The following TTC6 variants were observed in gnomAD, a reference collection of about 807,000 sequenced individuals.
TTC6 encodes tetratricopeptide repeat protein 6.
A neutral mutation model predicts 210.4 loss-of-function variants in TTC6; 172 were observed. The ratio of observed to expected loss-of-function variants is 0.82; its 90% CI spans 0.72 to 0.93. The LOEUF (loss-of-function observed/expected upper bound fraction) is 0.93, where lower values mean the gene tolerates loss of function less well. TTC6 is among the 40% of genes least tolerant of loss of function. The pLI is 0.00. For missense variants in TTC6, 2,414 were observed against 2,318.1 expected (o/e 1.04, Z -0.85); for synonymous variants, 804 against 819.6 (o/e 0.98, Z 0.32).
intron 1 of TTC6, among the ~76,000 whole-genome samples, chr14:37,648,918 A>G (rs1488023226): frequency 6.6e-6 from 1 of 152,092 alleles, no homozygotes; most frequent in African/African-American, 2.4e-5. Flanking sequence ...CTGTCTCAGC[A>G]TGTAGTGGGT....
At chr14:37,822,620 T>C (rs1198063433) in intron 26 of TTC6, among the ~76,000 whole-genome samples, 3 of 152,214 alleles carry the variant, frequency 2.0e-5, no homozygotes, top group African/African-American at 7.2e-5. Context: ...TTAATTTGCA[T>C]GTTCAGGCTC....
chr14:37,647,568 G>A (rs2095703821), intron 1 of TTC6, among the ~76,000 whole-genome samples: 1 of 152,184 alleles, frequency 6.6e-6, no homozygotes, highest in Admixed American at 6.5e-5. Flanking sequence ...GATCAAGGGG[G>A]CAGCCCGATT....
rs112842161 is a variant in TTC6 at position 37,714,548 on chromosome 14, G to A, written c.1572-107G>A. ...TACACAATCTCTGTTTAGTGCAGATGTCAAATGTCCATGTGTTTATTTCAG... is the reference window on the plus strand; with the variant it reads ...TACACAATCTCTGTTTAGTGCAGATATCAAATGTCCATGTGTTTATTTCAG... On this transcript the variant is annotated intron_variant, in intron 5 of 30. Transcript: ENST00000553443. 1.7e-5 allele frequency: 14 copies of A among 836,868 alleles called. 1 individual carries two copies. In the African/African-American group the frequency reaches 1.7e-4, roughly 10 times the overall value. 51.8% of individuals were successfully genotyped at this position (836,868 alleles called of 1,614,324 possible). A position where few individuals can be genotyped will look rare whatever the true frequency, so the allele number is the denominator to read the frequency against.
intron 14 of TTC6, among the ~76,000 whole-genome samples, chr14:37,764,960 A>G (rs1403166922): frequency 1.3e-5 from 2 of 149,790 alleles, no homozygotes; most frequent in Non-Finnish European, 3.0e-5. Context: ...TTTTTCTACC[A>G]TTTTGATTTC....
At chr14:37,711,029 C>T (rs756786953) in intron 5 of TTC6, among the ~76,000 whole-genome samples, 6 of 152,174 alleles carry the variant, frequency 3.9e-5, no homozygotes, top group Non-Finnish European at 7.4e-5. Flanking sequence ...GTTTCTGACT[C>T]ATTAGGTCTG....
At chr14:37,752,510 C>G (rs1046087305) in intron 13 of TTC6, among the ~76,000 whole-genome samples, 1 of 78,122 alleles carries the variant, frequency 1.3e-5, no homozygotes, top group Non-Finnish European at 2.7e-5. Flanking sequence ...ATTTTGAAAT[C>G]TTTAGGATTT....
Position 37,753,276 on chromosome 14 carries a change from T to A in TTC6, c.3266+41T>A, listed in dbSNP as rs373040153. 355 of 1,444,570 alleles carry A rather than the reference T, an allele frequency of 2.5e-4. 3 individuals are homozygous for A. In the South Asian group the frequency reaches 4.3e-3, roughly 18 times the overall value. 89.5% of individuals were successfully genotyped at this position (1,444,570 alleles called of 1,614,324 possible). A position where few individuals can be genotyped will look rare whatever the true frequency, so the allele number is the denominator to read the frequency against. ...GATGTCGTTTTAAAATTATTACTAT[T>A]ATTTGAAATACATTTTCAGAACAGA... On this transcript the variant is annotated intron_variant, in intron 14 of 30. Transcript: ENST00000553443.
At chr14:37,767,763 T>C (rs1012184299) in intron 14 of TTC6, among the ~76,000 whole-genome samples, 3 of 151,678 alleles carry the variant, frequency 2.0e-5, no homozygotes, top group African/African-American at 7.3e-5. Flanking sequence ...CTGTTCACTC[T>C]GATGGTAGTT....
At chr14:37,801,093 C>T (rs2096105605) in intron 20 of TTC6, among the ~76,000 whole-genome samples, 1 of 152,162 alleles carries the variant, frequency 6.6e-6, no homozygotes, top group South Asian at 2.1e-4. Context: ...CTTCCATTTT[C>T]CCCTTTTTAA....
At chr14:37,639,077 CA>C (rs546537683) in intron 1 of TTC6, among the ~76,000 whole-genome samples, 314 of 152,252 alleles carry the variant, frequency 2.1e-3, no homozygotes, top group African/African-American at 7.1e-3. Context: ...CTTTTTGGTA[CA>C]TATCAAAGAA....
chr14:37,617,715 G>A (rs1322637526), upstream of TTC6, among the ~76,000 whole-genome samples: 2 of 152,096 alleles, frequency 1.3e-5, no homozygotes, highest in African/African-American at 4.8e-5. Flanking sequence ...ATTGTTTTCA[G>A]AATATTTTTG....
chr14:37,788,504 A>C (rs2096072768), intron 15 of TTC6, among the ~76,000 whole-genome samples: 1 of 152,186 alleles, frequency 6.6e-6, no homozygotes, highest in African/African-American at 2.4e-5. Context: ...ATTAATATTA[A>C]AATAAAATAA....
At chr14:37,715,443 T>C (rs897544522) in intron 6 of TTC6, among the ~76,000 whole-genome samples, 1 of 151,960 alleles carries the variant, frequency 6.6e-6, no homozygotes, top group African/African-American at 2.4e-5. Context: ...AACCACATAA[T>C]ATTCAAGCTT....
At chr14:37,718,432 G>A (rs1473198824) in intron 6 of TTC6, among the ~76,000 whole-genome samples, 1 of 152,126 alleles carries the variant, frequency 6.6e-6, no homozygotes, top group Non-Finnish European at 1.5e-5. Flanking sequence ...GCTTGATAAA[G>A]AGCAGCTGCA....
chr14:37,775,859 A>G (rs943637863), intron 14 of TTC6, among the ~76,000 whole-genome samples: 1 of 152,096 alleles, frequency 6.6e-6, no homozygotes, highest in African/African-American at 2.4e-5. Context: ...CGAACCCTTT[A>G]CCATTATGTA....
chr14:37,751,226 G>A lies in TTC6; in HGVS notation c.3129+1G>A. ...ACTGGCCATTGATGACTTTTCGAAA[G>A]TAAGCTTTATCACATATAATTCTAC... is the stretch of plus-strand genomic sequence containing the variant. On this transcript the variant is annotated splice_donor_variant, in intron 13 of 30. Coordinates refer to ENST00000553443, the Ensembl canonical transcript of TTC6. LOFTEE classifies it high-confidence loss of function. 4 of 1,518,490 alleles carry A rather than the reference G, an allele frequency of 2.6e-6. No individual in the cohort carries two copies. Among genetic ancestry groups the A allele is most frequent in the Non-Finnish European group, 3.5e-6 (4 of 1,137,908 alleles). The allele number at this position is 1,518,490 out of a possible 1,614,324, so 94.1% of individuals were successfully genotyped here. A position where few individuals can be genotyped will look rare whatever the true frequency, so the allele number is the denominator to read the frequency against.
At chr14:37,708,946 C>A (rs2095840126) in intron 5 of TTC6, among the ~76,000 whole-genome samples, 1 of 151,976 alleles carries the variant, frequency 6.6e-6, no homozygotes, top group Non-Finnish European at 1.5e-5. Context: ...TGGTTGCCCC[C>A]CACCCAAATG....
chr14:37,707,514 A>G (rs2095837727), intron 5 of TTC6, among the ~76,000 whole-genome samples: 1 of 151,852 alleles, frequency 6.6e-6, no homozygotes, highest in Admixed American at 6.6e-5. Flanking sequence ...AGTCCTTCTA[A>G]TTTTCATTGT....
chr14:37,680,336 T>G, intron 2 of TTC6, 75 bp downstream of exon 4: 1 of 978,266 alleles, frequency 1.0e-6, no homozygotes, highest in Non-Finnish European at 1.5e-6. Flanking sequence ...AATGTTTATA[T>G]AGAGAGTTAA....
Sources: allele counts gnomAD v4.1 joint callset (sites outside exome capture counted in the v4.1 genomes callset), GRCh38; gene constraint gnomAD v4.1.1; transcripts MANE v1.5; gene names NCBI Gene and HGNC (gene_info 2026-07-23, HGNC 2026-07-21).